Variants in NAALADL2 observed in about 807,000 individuals in gnomAD.
NAALADL2 encodes N-acetylated alpha-linked acidic dipeptidase like 2.
Under a neutral mutation model 87.2 loss-of-function variants are expected in NAALADL2, and 76 were observed. The observed-to-expected ratio is 0.87, with a 90% CI of 0.72 to 1.05. NAALADL2 has a LOEUF of 1.05. NAALADL2 is among the 50% of genes least tolerant of loss of function. The pLI is 0.00. For synonymous variants in NAALADL2, 354 were observed against 331.0 expected, an observed-to-expected ratio of 1.07 and a Z score of -0.75; for missense variants, 1,089 against 945.8, an observed-to-expected ratio of 1.15 and a Z score of -1.99.
intron 1 of NAALADL2, among the ~76,000 whole-genome samples, chr3:175,017,619 T>G (rs1235337183): frequency 6.6e-6 from 1 of 152,094 alleles, no homozygotes; most frequent in East Asian, 1.9e-4. Flanking sequence ...AAAAATGAAA[T>G]GATTTCAAAG....
At chr3:175,078,685 A>G (rs1717125102) in intron 1 of NAALADL2, among the ~76,000 whole-genome samples, 1 of 152,204 alleles carries the variant, frequency 6.6e-6, no homozygotes, top group African/African-American at 2.4e-5. Context: ...AAAGTATCCA[A>G]TACGTGGTCT....
rs4591510 is a variant in NAALADL2 at position 175,270,645 on chromosome 3, G to A, written c.939+14115G>A. 7.6e-3 allele frequency among the ~76,000 whole-genome samples: 1,163 copies of A among 152,290 alleles called. 11 individuals carry two copies. The highest frequency in any genetic ancestry group is 0.026 in the African/African-American group (1,097 of 41,540). ...ATCTTATCTTGAATGAGAAGAATTT[G>A]TAACTTGAAAATGTTTATGAATATT... is the stretch of plus-strand genomic sequence containing the variant. On this transcript the variant is annotated intron_variant, in intron 4 of 13. Coordinates refer to ENST00000454872, the MANE Select transcript of NAALADL2 (RefSeq NM_207015.3).
chr3:174,598,734 G>C (rs958213294), intron 2 of NAALADL2, among the ~76,000 whole-genome samples: 3 of 152,062 alleles, frequency 2.0e-5, no homozygotes, highest in Admixed American at 2.0e-4. Context: ...AAGAGAAGTC[G>C]ACTCAGACAT....
At chr3:175,131,947 G>A in intron 2 of NAALADL2, among the ~76,000 whole-genome samples, 1 of 123,382 alleles carries the variant, frequency 8.1e-6, no homozygotes. Context: ...GGGGTGGCCG[G>A]GCAGAGGCGC....
At chr3:174,628,187 T>C (rs1721756771) in intron 2 of NAALADL2, among the ~76,000 whole-genome samples, 1 of 152,070 alleles carries the variant, frequency 6.6e-6, no homozygotes. Context: ...TTAAAGATGA[T>C]CTATTTCTGG....
At chr3:174,951,749 A>C (rs1370863599) in intron 1 of NAALADL2, among the ~76,000 whole-genome samples, 1 of 152,068 alleles carries the variant, frequency 6.6e-6, no homozygotes, top group African/African-American at 2.4e-5. Flanking sequence ...AATACTTCAA[A>C]ATATTTTACA....
chr3:174,464,309 G>T (rs1403559517), intron 1 of NAALADL2, among the ~76,000 whole-genome samples: 1 of 150,198 alleles, frequency 6.7e-6, no homozygotes, highest in Non-Finnish European at 1.5e-5. Flanking sequence ...AACAGTAGTA[G>T]TTTTTATAGC....
At chr3:175,197,311 C>CT (rs1310361459) in intron 2 of NAALADL2, among the ~76,000 whole-genome samples, 1 of 151,914 alleles carries the variant, frequency 6.6e-6, no homozygotes, top group Non-Finnish European at 1.5e-5. Context: ...TAAATTAAAA[C>CT]TTTTTATAAT....
chr3:175,200,549 T>C, intron 2 of NAALADL2, among the ~76,000 whole-genome samples: 1 of 152,184 alleles, frequency 6.6e-6, no homozygotes, highest in East Asian at 1.9e-4. Context: ...CCTTTCTCCT[T>C]TTCCACTTCC....
chr3:174,686,176 C>A (rs534938426), intron 2 of NAALADL2, among the ~76,000 whole-genome samples: 1 of 151,898 alleles, frequency 6.6e-6, no homozygotes, highest in African/African-American at 2.4e-5. Flanking sequence ...TTCCTTTGGG[C>A]GTATACCCTT....
intron 11 of NAALADL2, among the ~76,000 whole-genome samples, chr3:175,734,777 G>A (rs1744275642): frequency 6.6e-6 from 1 of 152,144 alleles, no homozygotes; most frequent in Non-Finnish European, 1.5e-5. Context: ...AGGGACCCTG[G>A]GCCTGGCCCA....
chr3:175,235,602 A>G (rs1272716154), intron 3 of NAALADL2: 1 of 152,216 alleles, frequency 6.6e-6, no homozygotes, highest in African/African-American at 2.4e-5. Flanking sequence ...AGTTACCCCG[A>G]TATTTTATCT....
intron 1 of NAALADL2, among the ~76,000 whole-genome samples, chr3:174,988,813 T>C (rs968677236): frequency 2.0e-5 from 3 of 152,304 alleles, no homozygotes; most frequent in Non-Finnish European, 4.4e-5. Flanking sequence ...CTTAACTAAT[T>C]AGATCTGTAA....
chr3:174,536,079 C>T (rs925387184), intron 1 of NAALADL2, among the ~76,000 whole-genome samples: 25 of 152,046 alleles, frequency 1.6e-4, no homozygotes, highest in African/African-American at 6.0e-4. Context: ...TTTTAAAATG[C>T]AGCTTAAAGT....
At chr3:175,256,376 G>A (rs1172904715) in intron 3 of NAALADL2, 35 bp from the exon 4 acceptor site, 4 of 1,578,738 alleles carry the variant, frequency 2.5e-6, no homozygotes, top group Middle Eastern at 1.8e-4. Flanking sequence ...CTTCCTCTGA[G>A]GCTTTATTTT....
intron 1 of NAALADL2, among the ~76,000 whole-genome samples, chr3:174,486,251 A>G (rs907639972): frequency 6.6e-6 from 1 of 152,064 alleles, no homozygotes. Flanking sequence ...TCTCCTAAGG[A>G]TATACATTGT....
chr3:174,478,460 T>C (rs1330102314), intron 1 of NAALADL2, among the ~76,000 whole-genome samples: 1 of 152,152 alleles, frequency 6.6e-6, no homozygotes, highest in African/African-American at 2.4e-5. Context: ...ATAACTTGTT[T>C]AAACTATGGA....
intron 2 of NAALADL2, among the ~76,000 whole-genome samples, chr3:175,194,564 T>C (rs1185056547): frequency 6.6e-6 from 1 of 151,860 alleles, no homozygotes; most frequent in African/African-American, 2.4e-5. Flanking sequence ...TCTTTTTGAA[T>C]ATATGAAAAC....
chr3:175,724,965 ATTTATTACCAAGATGTTC>A (rs1287629713), intron 11 of NAALADL2, among the ~76,000 whole-genome samples: 1 of 151,998 alleles, frequency 6.6e-6, no homozygotes, highest in Non-Finnish European at 1.5e-5. Flanking sequence ...GATTGCTTTC[ATTTATTACCAAGATGTTC>A]TTTGTTTAAT....
Sources: allele counts gnomAD v4.1 joint callset (sites outside exome capture counted in the v4.1 genomes callset), GRCh38; gene constraint gnomAD v4.1.1; transcripts MANE v1.5; gene names NCBI Gene and HGNC (gene_info 2026-07-23, HGNC 2026-07-21).